The following KIAA1217 variants were observed in gnomAD, a reference collection of about 807,000 sequenced individuals.
KIAA1217 encodes KIAA1217.
In KIAA1217, 88 loss-of-function variants were observed where a neutral mutation model predicts 163.9. That is an observed-to-expected ratio of 0.54 (90% CI 0.45 to 0.64). The LOEUF is 0.64. KIAA1217 is among the 30% of genes least tolerant of loss of function. The pLI, the probability that KIAA1217 is intolerant of heterozygous loss-of-function variation, is 0.00. For synonymous variants in KIAA1217, 903 were observed against 923.1 expected, an observed-to-expected ratio of 0.98 and a Z score of 0.39; for missense variants, 2,372 against 2,475.0, an observed-to-expected ratio of 0.96 and a Z score of 0.88.
At chr10:24,531,628 C>T (rs957445585) in intron 14 of KIAA1217, among the ~76,000 whole-genome samples, 6 of 151,978 alleles carry the variant, frequency 3.9e-5, no homozygotes, top group Non-Finnish European at 5.9e-5. Flanking sequence ...AAACTGAGAC[C>T]GAGAGAGGTT....
At chr10:24,046,381 A>G (rs1254637856) in intron 2 of KIAA1217, among the ~76,000 whole-genome samples, 1 of 152,134 alleles carries the variant, frequency 6.6e-6, no homozygotes. Context: ...TTTTGCTGAT[A>G]AGGAAACAGA....
At chr10:23,765,799 A>T (rs1266319075) in intron 1 of KIAA1217, among the ~76,000 whole-genome samples, 1 of 152,160 alleles carries the variant, frequency 6.6e-6, no homozygotes, top group Non-Finnish European at 1.5e-5. Flanking sequence ...GCCATGTAGA[A>T]CTGTGAGTCT....
intron 2 of KIAA1217, among the ~76,000 whole-genome samples, chr10:24,063,604 G>A (rs1410470285): frequency 3.9e-5 from 6 of 152,310 alleles, no homozygotes; most frequent in African/African-American, 1.4e-4. Flanking sequence ...TTTGGCTTAG[G>A]ATTGACTTGG....
chr10:24,067,827 C>G (rs999693598), intron 2 of KIAA1217, among the ~76,000 whole-genome samples: 3 of 152,234 alleles, frequency 2.0e-5, no homozygotes, highest in African/African-American at 7.2e-5. Context: ...TTTACCTACT[C>G]AAGCCTGAGC....
chr10:24,164,637 G>A (rs1337659114), intron 2 of KIAA1217, among the ~76,000 whole-genome samples: 1 of 152,166 alleles, frequency 6.6e-6, no homozygotes, highest in Non-Finnish European at 1.5e-5. Context: ...GATAGTAGTG[G>A]AAAAGAATAT....
At chr10:23,733,684 G>A (rs529228696) in intron 1 of KIAA1217, among the ~76,000 whole-genome samples, 23 of 151,986 alleles carry the variant, frequency 1.5e-4, no homozygotes, top group Non-Finnish European at 2.8e-4. Flanking sequence ...GAAACCGTGG[G>A]TATAGTACCC....
At chr10:24,001,198 T>G (rs1398760452) in intron 1 of KIAA1217, among the ~76,000 whole-genome samples, 1 of 152,242 alleles carries the variant, frequency 6.6e-6, no homozygotes, top group African/African-American at 2.4e-5. Flanking sequence ...ACTGTCTTTA[T>G]GTAATAATTG....
At chr10:24,273,827 T>G (rs563110212) in intron 2 of KIAA1217, among the ~76,000 whole-genome samples, 31 of 147,012 alleles carry the variant, frequency 2.1e-4, no homozygotes, top group African/African-American at 7.3e-4. Flanking sequence ...TGTTCTAGCC[T>G]GGGCGACAGA....
chr10:23,856,084 A>G (rs976554296), intron 1 of KIAA1217, among the ~76,000 whole-genome samples: 2 of 151,920 alleles, frequency 1.3e-5, no homozygotes, highest in Non-Finnish European at 2.9e-5. Flanking sequence ...GAGGAGAGGC[A>G]CTCTGCTTTT....
intron 1 of KIAA1217, among the ~76,000 whole-genome samples, chr10:23,697,732 G>C (rs899507911): frequency 6.7e-6 from 1 of 149,980 alleles, no homozygotes; most frequent in African/African-American, 2.5e-5. Context: ...AAAAAAATTA[G>C]CTGGCATGGT....
chr10:24,176,901 T>G (rs1378889179), intron 2 of KIAA1217, among the ~76,000 whole-genome samples: 1 of 152,092 alleles, frequency 6.6e-6, no homozygotes, highest in African/African-American at 2.4e-5. Context: ...GGCAAGAATT[T>G]GAACGCAGCA....
intron 2 of KIAA1217, among the ~76,000 whole-genome samples, chr10:24,089,485 A>G (rs1439799353): frequency 1.1e-5 from 1 of 87,084 alleles, no homozygotes; most frequent in East Asian, 2.1e-4. Flanking sequence ...AGGTGTAAGG[A>G]AGGGATCCAG....
intron 2 of KIAA1217, among the ~76,000 whole-genome samples, chr10:24,148,510 G>A (rs754797418): frequency 2.4e-4 from 37 of 152,224 alleles, no homozygotes; most frequent in Non-Finnish European, 4.0e-4. Context: ...ATAGTTTGGC[G>A]CTATTCCCAT....
chr10:24,272,717 G>A (rs1007505693), intron 2 of KIAA1217, among the ~76,000 whole-genome samples: 2 of 152,106 alleles, frequency 1.3e-5, no homozygotes, highest in African/African-American at 2.4e-5. Context: ...CAAGTATTTC[G>A]GAATTTCAAC....
intron 2 of KIAA1217, among the ~76,000 whole-genome samples, chr10:24,315,243 C>T (rs1490775942): frequency 6.6e-6 from 1 of 152,156 alleles, no homozygotes; most frequent in South Asian, 2.1e-4. Flanking sequence ...AACGCTGCTA[C>T]ACCCAAAAGA....
chr10:23,839,374 T>G (rs1445921288), intron 1 of KIAA1217, among the ~76,000 whole-genome samples: 1 of 152,130 alleles, frequency 6.6e-6, no homozygotes, highest in Non-Finnish European at 1.5e-5. Context: ...GGCAGAATTT[T>G]TTCTACTGGA....
chr10:24,289,199 C>T (rs1311100957), intron 2 of KIAA1217, among the ~76,000 whole-genome samples: 1 of 152,176 alleles, frequency 6.6e-6, no homozygotes, highest in Non-Finnish European at 1.5e-5. Flanking sequence ...CTGGGAGTCC[C>T]TGCAAATTTG....
intron 2 of KIAA1217, among the ~76,000 whole-genome samples, chr10:24,107,428 G>A (rs1361742392): frequency 2.0e-5 from 3 of 152,168 alleles, no homozygotes; most frequent in African/African-American, 4.8e-5. Flanking sequence ...ACAAATGGTA[G>A]ATCTGTTGTG....
chr10:23,868,079 T>C (rs1443678971), intron 1 of KIAA1217, among the ~76,000 whole-genome samples: 1 of 152,050 alleles, frequency 6.6e-6, no homozygotes, highest in Admixed American at 6.6e-5. Context: ...GGCTAGCCAG[T>C]TTTCCCAGCA....
Sources: gnomAD v4.1 joint callset for allele counts (sites outside exome capture counted in the v4.1 genomes callset) on GRCh38, gnomAD v4.1.1 for gene constraint, MANE v1.5 for transcripts, NCBI Gene and HGNC (gene_info 2026-07-23, HGNC 2026-07-21) for gene names.